Variants in CCDC178 observed in about 807,000 individuals in gnomAD.
CCDC178 encodes coiled-coil domain containing 178, also known as coiled-coil domain-containing protein 178.
CCDC178 carries 126 observed loss-of-function variants against 117.4 expected under a neutral mutation model. The ratio of observed to expected loss-of-function variants is 1.07; its 90% CI spans 0.93 to 1.24. The LOEUF (loss-of-function observed/expected upper bound fraction) is 1.24. CCDC178 is among the 50% of genes most tolerant of loss of function. CCDC178 has a pLI of 0.00. For missense variants in CCDC178, 1,030 were observed against 986.9 expected, an observed-to-expected ratio of 1.04 and a Z score of -0.59; for synonymous variants, 283 against 313.4, an observed-to-expected ratio of 0.90 and a Z score of 1.02.
intron 5 of CCDC178, among the ~76,000 whole-genome samples, chr18:33,388,260 G>A (rs117306270): frequency 0.011 from 1,720 of 152,220 alleles, 23 homozygotes; most frequent in Non-Finnish European, 0.019. Context: ...TACACTGTTG[G>A]TAGGAGCATA....
intron 20 of CCDC178, among the ~76,000 whole-genome samples, 195 bp downstream of exon 20, chr18:33,211,701 G>C (rs1318218598): frequency 6.6e-6 from 1 of 151,770 alleles, no homozygotes; most frequent in Admixed American, 6.6e-5. Flanking sequence ...GCATTGAAAA[G>C]TACAATATGC....
intron 14 of CCDC178, among the ~76,000 whole-genome samples, chr18:33,259,649 C>A (rs1225220488): frequency 6.6e-6 from 1 of 151,892 alleles, no homozygotes; most frequent in Non-Finnish European, 1.5e-5. Context: ...ATGATTCAAT[C>A]ACCCCCCCCC....
intron 20 of CCDC178, among the ~76,000 whole-genome samples, chr18:33,195,127 A>G (rs958230509): frequency 2.2e-4 from 31 of 143,190 alleles, no homozygotes; most frequent in African/African-American, 5.6e-4. Flanking sequence ...TTAAAAAAAA[A>G]AGAGAGAGAG....
chr18:33,356,044 T>C (rs1390371270), intron 7 of CCDC178, among the ~76,000 whole-genome samples: 1 of 152,160 alleles, frequency 6.6e-6, no homozygotes. Flanking sequence ...GGTTATTAAA[T>C]TTTTACTGGA....
At chr18:33,013,058 A>G (rs2055905077) in intron 21 of CCDC178, among the ~76,000 whole-genome samples, 2 of 152,202 alleles carry the variant, frequency 1.3e-5, no homozygotes, top group Non-Finnish European at 2.9e-5. Context: ...TAGTGAATCC[A>G]TATATTTCAA....
At chr18:32,938,627 A>G (rs1487311394) in intron 22 of CCDC178, among the ~76,000 whole-genome samples, 1 of 152,162 alleles carries the variant, frequency 6.6e-6, no homozygotes. Flanking sequence ...ACATATACAC[A>G]TACAGAAGGG....
chr18:33,259,295 GCAGAAGCTC>G (rs2059714673), intron 14 of CCDC178, among the ~76,000 whole-genome samples: 1 of 152,174 alleles, frequency 6.6e-6, no homozygotes, highest in African/African-American at 2.4e-5. Flanking sequence ...GAGCTGCAGT[GCAGAAGCTC>G]CTGCTAGCTC....
At chr18:33,032,091 A>G (rs1356283654) in intron 21 of CCDC178, among the ~76,000 whole-genome samples, 1 of 152,176 alleles carries the variant, frequency 6.6e-6, no homozygotes, top group Non-Finnish European at 1.5e-5. Context: ...ACTTTAAGGA[A>G]AAGAATTGTT....
At chr18:33,184,988 G>A (rs911462437) in intron 20 of CCDC178, among the ~76,000 whole-genome samples, 4 of 151,976 alleles carry the variant, frequency 2.6e-5, no homozygotes, top group African/African-American at 4.8e-5. Context: ...GCATCTATAC[G>A]AGACCAAAAA....
intron 22 of CCDC178, among the ~76,000 whole-genome samples, chr18:32,938,882 A>C (rs534655352): frequency 1.3e-5 from 2 of 152,154 alleles, no homozygotes; most frequent in South Asian, 4.1e-4. Context: ...TTGGATATTA[A>C]GAATATGTAC....
chr18:33,125,355 T>G (rs543228460), intron 20 of CCDC178, among the ~76,000 whole-genome samples: 94 of 152,290 alleles, frequency 6.2e-4, no homozygotes, highest in African/African-American at 2.2e-3. Flanking sequence ...GTTATTTATT[T>G]GATAAATATT....
chr18:33,393,756 T>C (rs2063593854), intron 4 of CCDC178, among the ~76,000 whole-genome samples: 1 of 152,116 alleles, frequency 6.6e-6, no homozygotes, highest in South Asian at 2.1e-4. Flanking sequence ...ATTTAGGTTG[T>C]TTCCAGTTTT....
intron 11 of CCDC178, among the ~76,000 whole-genome samples, chr18:33,300,230 T>G (rs1010876877): frequency 6.6e-6 from 1 of 152,162 alleles, no homozygotes; most frequent in African/African-American, 2.4e-5. Context: ...AGGCCCTCAA[T>G]AGAAGCCAAG....
chr18:33,423,847 C>T (rs1015380849), intron 2 of CCDC178, among the ~76,000 whole-genome samples: 3 of 152,144 alleles, frequency 2.0e-5, no homozygotes, highest in Non-Finnish European at 4.4e-5. Flanking sequence ...ATTCCAAACA[C>T]CCATAAAAAT....
intron 21 of CCDC178, among the ~76,000 whole-genome samples, chr18:33,022,924 C>T (rs892104240): frequency 6.6e-5 from 10 of 151,950 alleles, no homozygotes; most frequent in African/African-American, 2.4e-4. Context: ...CAAAAGAAAA[C>T]AGGAATGACT....
chr18:33,420,581 C>T (rs1163606377), intron 2 of CCDC178, among the ~76,000 whole-genome samples: 1 of 152,122 alleles, frequency 6.6e-6, no homozygotes, highest in Non-Finnish European at 1.5e-5. Context: ...TCTTGAACTC[C>T]TGACCTCAGG....
chr18:33,344,235 C>G (rs967137484), intron 9 of CCDC178, among the ~76,000 whole-genome samples: 2 of 139,014 alleles, frequency 1.4e-5, no homozygotes, highest in Non-Finnish European at 3.0e-5. Context: ...ACCCGGGAAG[C>G]GGAGCTTGCA....
At chr18:33,050,912 G>A (rs1002847076) in intron 21 of CCDC178, among the ~76,000 whole-genome samples, 8 of 151,916 alleles carry the variant, frequency 5.3e-5, no homozygotes, top group African/African-American at 1.9e-4. Flanking sequence ...TCATCAATTT[G>A]TTTGTTTGTT....
chr18:33,378,143 C>A (rs1328275930), intron 5 of CCDC178, among the ~76,000 whole-genome samples: 1 of 152,090 alleles, frequency 6.6e-6, no homozygotes, highest in Non-Finnish European at 1.5e-5. Flanking sequence ...TGTAGTTCTC[C>A]CTGTAGAGAG....
Sources: gnomAD v4.1 joint callset for allele counts (sites outside exome capture counted in the v4.1 genomes callset) on GRCh38, gnomAD v4.1.1 for gene constraint, MANE v1.5 for transcripts, NCBI Gene and HGNC (gene_info 2026-07-23, HGNC 2026-07-21) for gene names.